RBM47: variants seen among roughly 807,000 people sequenced by gnomAD.
The protein encoded by RBM47 is RNA binding motif protein 47, also known as RNA-binding protein 47.
In RBM47, 21 loss-of-function variants were observed where a neutral mutation model predicts 47.1. The ratio of observed to expected loss-of-function variants is 0.45; its 90% CI spans 0.32 to 0.64. The LOEUF (loss-of-function observed/expected upper bound fraction) is 0.64. Among genes scored for constraint, RBM47 ranks in the 30% least tolerant of loss-of-function variants. The pLI is 0.05. For missense variants in RBM47, 708 were observed against 870.9 expected, an observed-to-expected ratio of 0.81 and a Z score of 2.35; for synonymous variants, 375 against 361.7, an observed-to-expected ratio of 1.04 and a Z score of -0.42.
At chr4:40,579,749 A>ATT (rs60806221) in intron 1 of RBM47, among the ~76,000 whole-genome samples, 69 of 145,944 alleles carry the variant, frequency 4.7e-4, no homozygotes, top group African/African-American at 1.6e-3. Flanking sequence ...CTTTAGGGTA[A>ATT]TTTTTTTTTT....
At chr4:40,469,824 G>C (rs538173472) in intron 2 of RBM47, among the ~76,000 whole-genome samples, 1 of 152,158 alleles carries the variant, frequency 6.6e-6, no homozygotes, top group South Asian at 2.1e-4. Flanking sequence ...TAGTAGAGAT[G>C]GGGTTTTGCC....
chr4:40,511,504 CAG>C (rs1449392844), intron 2 of RBM47, among the ~76,000 whole-genome samples: 2 of 152,186 alleles, frequency 1.3e-5, no homozygotes, highest in Non-Finnish European at 2.9e-5. Context: ...TTAATAGCAG[CAG>C]AGTCTAAAAT....
At chr4:40,597,513 C>T (rs866242384) in intron 1 of RBM47, among the ~76,000 whole-genome samples, 6 of 151,848 alleles carry the variant, frequency 4.0e-5, no homozygotes, top group South Asian at 2.1e-4. Context: ...ACCCAGGAGG[C>T]GGAGGTTGCA....
At chr4:40,530,893 A>C (rs1183127255) in intron 2 of RBM47, among the ~76,000 whole-genome samples, 2 of 152,122 alleles carry the variant, frequency 1.3e-5, no homozygotes, top group African/African-American at 4.8e-5. Flanking sequence ...GGAGCCCAGG[A>C]GTTGGGGACC....
At chr4:40,493,523 C>T (rs1722178195) in intron 2 of RBM47, among the ~76,000 whole-genome samples, 1 of 152,152 alleles carries the variant, frequency 6.6e-6, no homozygotes, top group South Asian at 2.1e-4. Flanking sequence ...GTGGCTCACA[C>T]CTGTAATCAC....
intron 1 of RBM47, among the ~76,000 whole-genome samples, chr4:40,604,413 C>A (rs1312022385): frequency 6.6e-6 from 1 of 152,094 alleles, no homozygotes; most frequent in African/African-American, 2.4e-5. Context: ...TCCCTTGAAG[C>A]CAGGAGTTTA....
intron 1 of RBM47, among the ~76,000 whole-genome samples, chr4:40,554,710 C>T (rs904501513): frequency 2.6e-5 from 4 of 151,802 alleles, no homozygotes; most frequent in Admixed American, 6.6e-5. Context: ...CAGCAAAATC[C>T]GACGCTCTAG....
chr4:40,568,044 C>T (rs140533485), intron 1 of RBM47, among the ~76,000 whole-genome samples: 6 of 151,706 alleles, frequency 4.0e-5, no homozygotes, highest in East Asian at 1.9e-4. Context: ...ACCCGGGAGG[C>T]GGAGGTTGCC....
chr4:40,442,426 AT>A (rs1215714293), intron 3 of RBM47, among the ~76,000 whole-genome samples: 3 of 152,222 alleles, frequency 2.0e-5, no homozygotes, highest in African/African-American at 7.2e-5. Flanking sequence ...GCTGGTAGGA[AT>A]ATAAAATGGT....
intron 1 of RBM47, among the ~76,000 whole-genome samples, chr4:40,581,445 TA>T (rs1732926377): frequency 2.7e-5 from 4 of 147,888 alleles, no homozygotes; most frequent in African/African-American, 1.0e-4. Context: ...AATAAATAAA[TA>T]AATAAATAAA....
In RBM47 at chr4:40,626,693, C is replaced by T. The variant is rs1344706865; in HGVS notation, c.-240+2703G>A. On this transcript the variant is annotated intron_variant, in intron 1 of 6. Coordinates refer to ENST00000295971, the MANE Select transcript of RBM47 (RefSeq NM_001098634.2). ...GACTTCAAGGGGACGAGATCGCCCT[C>T]CCCACTGCCTCTCCCCATACAGACG... Among the ~76,000 whole-genome samples the T allele has an allele frequency of 2.0e-5, 3 of 152,168 alleles. No individual in the cohort carries two copies. The East Asian group carries it at 5.8e-4, about 29-fold the overall frequency.
At chr4:40,493,321 C>T (rs1379180508) in intron 2 of RBM47, among the ~76,000 whole-genome samples, 1 of 152,030 alleles carries the variant, frequency 6.6e-6, no homozygotes, top group Non-Finnish European at 1.5e-5. Context: ...ATTAAGGAGG[C>T]AGGAGGGATT....
rs763344046 is a variant in RBM47 at position 40,436,623 on chromosome 4, C to T, written c.1148G>A (p.Arg383Gln). ...TGGGGCTCTGTTGCCAGCTGCACCT[C>T]GCCCTCGGCCTCTTATGCTGCCTGC... ...VKAGSIRGRG[R>Q]GAAGNRAPGP... The change falls in exon 5 of 7, where the codon CGA becomes CAA. Residue 383 changes from arginine (R) to glutamine (Q), a missense_variant. Coordinates refer to ENST00000295971, the MANE Select transcript of RBM47 (RefSeq NM_001098634.2). 3.7e-6 allele frequency: 6 copies of T among 1,613,982 alleles called. No homozygotes were observed. The highest frequency in any genetic ancestry group is 2.2e-5 in the East Asian group (1 of 44,892).
chr4:40,576,219 CTTTT>C (rs1377128113), intron 1 of RBM47, among the ~76,000 whole-genome samples: 1 of 139,662 alleles, frequency 7.2e-6, no homozygotes, highest in African/African-American at 2.8e-5. Flanking sequence ...CAGCCTATTT[CTTTT>C]TTTCTTTCTC....
intron 1 of RBM47, among the ~76,000 whole-genome samples, chr4:40,573,934 T>G (rs900780202): frequency 6.6e-6 from 1 of 152,184 alleles, no homozygotes; most frequent in Admixed American, 6.5e-5. Context: ...TCTGTAAAAC[T>G]TTATAAAATT....
intron 1 of RBM47, among the ~76,000 whole-genome samples, chr4:40,602,162 C>T (rs1010742032): frequency 1.3e-5 from 2 of 149,994 alleles, no homozygotes; most frequent in Non-Finnish European, 3.0e-5. Flanking sequence ...GGTGACAGAG[C>T]AAGACTCCAT....
intron 2 of RBM47, among the ~76,000 whole-genome samples, chr4:40,521,247 C>T (rs888549679): frequency 6.6e-6 from 1 of 152,112 alleles, no homozygotes; most frequent in Non-Finnish European, 1.5e-5. Context: ...GTTGCCCAGG[C>T]TGGAGTGCAG....
At chr4:40,539,759 A>G (rs1258494226) in intron 2 of RBM47, among the ~76,000 whole-genome samples, 1 of 150,574 alleles carries the variant, frequency 6.6e-6, no homozygotes, top group Non-Finnish European at 1.5e-5. Context: ...AAAAAAAAAA[A>G]AAAAAAAAAA....
chr4:40,479,975 AT>A (rs71647000), intron 2 of RBM47, among the ~76,000 whole-genome samples: 202 of 117,282 alleles, frequency 1.7e-3, no homozygotes, highest in Middle Eastern at 4.5e-3. Flanking sequence ...TATCATCTCC[AT>A]TTTTTTTTTT....
Sources: gnomAD v4.1 joint callset for allele counts (sites outside exome capture counted in the v4.1 genomes callset) on GRCh38, gnomAD v4.1.1 for gene constraint, MANE v1.5 for transcripts, NCBI Gene and HGNC (gene_info 2026-07-23, HGNC 2026-07-21) for gene names.